Variants in HELZ observed in about 807,000 individuals in gnomAD.
The protein encoded by HELZ is helicase with zinc finger, also known as ATP-dependent RNA helicase with zinc finger domain.
HELZ carries 23 observed loss-of-function variants against 218.2 expected under a neutral mutation model. The observed-to-expected ratio is 0.11, with a 90% CI of 0.08 to 0.15. The LOEUF (loss-of-function observed/expected upper bound fraction) is 0.15. Ranked by LOEUF, HELZ falls within the 10% of genes least tolerant of loss-of-function variation. HELZ has a pLI of 1.00. For synonymous variants in HELZ, 814 were observed against 829.4 expected (o/e 0.98, Z 0.32); for missense variants, 1,813 against 2,353.7 (o/e 0.77, Z 4.75).
intron 27 of HELZ, chr17:67,119,951 G>C (rs910788324): frequency 2.4e-6 from 1 of 418,100 alleles, no homozygotes; most frequent in African/African-American, 2.1e-5. Flanking sequence ...GTATCTTCTG[G>C]AGAGAGGATC....
At position 67,201,199 on chromosome 17, in the gene HELZ, TA is replaced by T; in HGVS notation, c.373-15del. Reference sequence around the variant, plus strand: ...TACCATCCCATTCTGAAAGGGTGAATAAAAAAGAGAAGAACCAATTAGTATA... The same window carrying T: ...TACCATCCCATTCTGAAAGGGTGAATAAAAAGAGAAGAACCAATTAGTATA... On this transcript the variant is annotated splice_polypyrimidine_tract_variant and intron_variant, in intron 6 of 32. Coordinates refer to ENST00000358691, the MANE Select transcript of HELZ (RefSeq NM_014877.4). 6.3e-7 allele frequency: 1 copy of T among 1,576,078 alleles called. No individual in the cohort carries two copies. The highest frequency in any genetic ancestry group is 8.7e-7 in the Non-Finnish European group (1 of 1,148,772).
At chr17:67,116,772 T>C (rs1211725336) in intron 27 of HELZ, among the ~76,000 whole-genome samples, 1 of 152,130 alleles carries the variant, frequency 6.6e-6, no homozygotes, top group Non-Finnish European at 1.5e-5. Context: ...TCAATACCCC[T>C]CCTCAGTAAT....
chr17:67,104,630 T>C (rs746455579), intron 31 of HELZ, among the ~76,000 whole-genome samples: 1 of 151,712 alleles, frequency 6.6e-6, no homozygotes. Flanking sequence ...AGAGAAATAA[T>C]TGCAAATCAT....
chr17:67,178,806 A>C lies in HELZ; in HGVS notation c.1283T>G (p.Leu428Arg), dbSNP rs766462224. Reference protein sequence around the residue: ...PNETTDLEKSLLIRYQIPLSA... With the variant: ...PNETTDLEKSRLIRYQIPLSA... The stretch of plus-strand genomic sequence containing the variant: ...GAGGGGAATTTGGTATCTGATAAGA[A>C]GGCTCTTCTCCAAATCAGTAGTTTC... Residue 428 changes from leucine (L) to arginine (R), a missense_variant, in exon 13 of 33, where the codon CTT (leucine) becomes CGT (arginine). Transcript: ENST00000358691. The C allele has an allele frequency of 1.2e-6, 2 of 1,613,952 alleles. No individual in the cohort carries two copies. Among genetic ancestry groups the C allele is most frequent in the Admixed American group, 3.3e-5 (2 of 60,018 alleles).
intron 3 of HELZ, among the ~76,000 whole-genome samples, chr17:67,228,459 C>T (rs1474094360): frequency 6.6e-5 from 10 of 151,912 alleles, no homozygotes; most frequent in Admixed American, 5.2e-4. Flanking sequence ...CTTAGGAGTT[C>T]GAGACCAGCC....
chr17:67,237,667 A>G (rs1778380927), intron 3 of HELZ, among the ~76,000 whole-genome samples: 1 of 152,196 alleles, frequency 6.6e-6, no homozygotes, highest in Non-Finnish European at 1.5e-5. Context: ...CCAGAGTGCA[A>G]AAGGGAGGAT....
intron 31 of HELZ, among the ~76,000 whole-genome samples, chr17:67,098,050 C>G (rs1250090090): frequency 6.6e-6 from 1 of 152,164 alleles, no homozygotes; most frequent in African/African-American, 2.4e-5. Flanking sequence ...CTCCCTTTCT[C>G]CCCACCACCC....
intron 13 of HELZ, among the ~76,000 whole-genome samples, chr17:67,169,413 G>A (rs548449918): frequency 1.3e-4 from 20 of 152,250 alleles, no homozygotes; most frequent in South Asian, 8.3e-4. Flanking sequence ...AGAAGGGCAC[G>A]AAAGTGTGAG....
At chr17:67,085,371 G>A (rs1371552043) in intron 32 of HELZ, among the ~76,000 whole-genome samples, 3 of 152,102 alleles carry the variant, frequency 2.0e-5, no homozygotes, top group African/African-American at 7.2e-5. Flanking sequence ...GCAGTGAGCC[G>A]AGATTGCACT....
chr17:67,227,671 T>C (rs1200671727), intron 3 of HELZ, among the ~76,000 whole-genome samples: 1 of 152,204 alleles, frequency 6.6e-6, no homozygotes, highest in African/African-American at 2.4e-5. Flanking sequence ...TAGAATACTT[T>C]TGAAGAATTG....
intron 31 of HELZ, among the ~76,000 whole-genome samples, chr17:67,091,861 G>C (rs555100194): frequency 6.6e-6 from 1 of 152,046 alleles, no homozygotes; most frequent in South Asian, 2.1e-4. Context: ...AGAACACTTA[G>C]GGTCTACTAA....
intron 5 of HELZ, among the ~76,000 whole-genome samples, chr17:67,212,237 C>T (rs1227353389): frequency 7.3e-6 from 1 of 136,432 alleles, no homozygotes; most frequent in East Asian, 2.3e-4. Flanking sequence ...ATTGCTTGAA[C>T]CCAGGAGGCA....
At chr17:67,176,833 C>A (rs1172294516) in intron 13 of HELZ, among the ~76,000 whole-genome samples, 6 of 152,100 alleles carry the variant, frequency 3.9e-5, no homozygotes, top group Admixed American at 3.3e-4. Flanking sequence ...CAGAGTGAGA[C>A]CCTGTCTCAA....
chr17:67,115,784 G>A (rs1008069843), intron 27 of HELZ, among the ~76,000 whole-genome samples: 5 of 152,064 alleles, frequency 3.3e-5, no homozygotes, highest in Admixed American at 1.3e-4. Context: ...CTCATCACCA[G>A]GAGACCTGCA....
intron 27 of HELZ, among the ~76,000 whole-genome samples, chr17:67,116,210 T>TA (rs911632199): frequency 9.8e-4 from 142 of 144,296 alleles, no homozygotes; most frequent in Admixed American, 2.7e-3. Flanking sequence ...AAGGAGTCAT[T>TA]AAAAAAAAAA....
chr17:67,243,998 G>C (rs76057811), intron 1 of HELZ, 159 bp from the exon 2 acceptor site: 447 of 985,124 alleles, frequency 4.5e-4, no homozygotes, highest in Non-Finnish European at 5.1e-4. Context: ...TCTGGTTTTT[G>C]ACCTTAAAAC....
intron 13 of HELZ, among the ~76,000 whole-genome samples, chr17:67,169,437 A>G (rs2039246619): frequency 6.6e-6 from 1 of 152,154 alleles, no homozygotes; most frequent in Non-Finnish European, 1.5e-5. Flanking sequence ...AAGCAATGGC[A>G]AGAGAGGACT....
chr17:67,120,197 G>A (rs1037533170), intron 27 of HELZ, among the ~76,000 whole-genome samples: 1 of 151,328 alleles, frequency 6.6e-6, no homozygotes, highest in Non-Finnish European at 1.5e-5. Flanking sequence ...GTAGAGATGG[G>A]ATTTCACCGT....
At chr17:67,199,187 A>G (rs1449621361) in intron 7 of HELZ, among the ~76,000 whole-genome samples, 3 of 151,666 alleles carry the variant, frequency 2.0e-5, no homozygotes, top group Non-Finnish European at 4.4e-5. Flanking sequence ...GTTGGTGCAA[A>G]AGTAATTGCG....
Sources: allele counts gnomAD v4.1 joint callset (sites outside exome capture counted in the v4.1 genomes callset), GRCh38; gene constraint gnomAD v4.1.1; transcripts MANE v1.5; gene names NCBI Gene and HGNC (gene_info 2026-07-23, HGNC 2026-07-21).